The following RPTOR variants were observed in gnomAD, a reference collection of about 807,000 sequenced individuals.
RPTOR encodes the protein regulatory associated protein of MTOR complex 1, also known as regulatory-associated protein of mTOR.
A neutral mutation model predicts 169.9 loss-of-function variants in RPTOR; 21 were observed. The ratio of observed to expected loss-of-function variants is 0.12; its 90% CI spans 0.09 to 0.18. The LOEUF is 0.18. Ranked by LOEUF, RPTOR falls within the 10% of genes least tolerant of loss-of-function variation. RPTOR has a pLI of 1.00. For missense variants in RPTOR, 1,133 were observed against 1,855.9 expected, an observed-to-expected ratio of 0.61 and a Z score of 7.16; for synonymous variants, 732 against 753.2, an observed-to-expected ratio of 0.97 and a Z score of 0.46.
At chr17:80,769,866 C>G (rs1169732512) in intron 6 of RPTOR, among the ~76,000 whole-genome samples, 2 of 152,124 alleles carry the variant, frequency 1.3e-5, no homozygotes, top group South Asian at 2.1e-4. Context: ...CCATGAAGCT[C>G]GAGCTGGAAT....
chr17:80,822,914 A>C (rs536095709), intron 8 of RPTOR, among the ~76,000 whole-genome samples, 165 bp from the exon 9 acceptor site: 2 of 152,120 alleles, frequency 1.3e-5, no homozygotes, highest in East Asian at 3.9e-4. Context: ...TGTATGTTTA[A>C]GTGTGTGTAC....
chr17:80,895,420 C>T (rs1441247600), intron 20 of RPTOR, among the ~76,000 whole-genome samples: 1 of 152,194 alleles, frequency 6.6e-6, no homozygotes, highest in East Asian at 1.9e-4. Context: ...TGCAGACGTG[C>T]TGTACGTGTA....
At chr17:80,792,805 G>A (rs753234341) in intron 7 of RPTOR, among the ~76,000 whole-genome samples, 25 of 152,028 alleles carry the variant, frequency 1.6e-4, no homozygotes, top group Admixed American at 1.0e-3. Flanking sequence ...ATTGCTGTGC[G>A]CTTTCTTTGG....
chr17:80,962,697 C>A, intron 32 of RPTOR, 120 bp downstream of exon 32: 1 of 1,097,460 alleles, frequency 9.1e-7, no homozygotes, highest in East Asian at 2.4e-5. Flanking sequence ...GATTTCACTG[C>A]TGTGGGGACA....
At chr17:80,717,611 C>T (rs1483322647) in intron 4 of RPTOR, among the ~76,000 whole-genome samples, 1 of 152,228 alleles carries the variant, frequency 6.6e-6, no homozygotes, top group African/African-American at 2.4e-5. Flanking sequence ...CCGAGTCTTT[C>T]AGCCTTCAGA....
chr17:80,963,702 GTGCGGCCCTCACCCCGTCCCCTC>G lies in RPTOR; in HGVS notation c.3940-471_3940-449del, dbSNP rs1460225662. On this transcript the variant is annotated intron_variant, in intron 33 of 33. Coordinates refer to ENST00000306801, the MANE Select transcript of RPTOR (RefSeq NM_020761.3). ...CTGTGCGGCCCTCACCCCGTCCCCT[GTGCGGCCCTCACCCCGTCCCCTC>G]TGCGGCCCTCACCCCGTCCCCTCTG... is the stretch of plus-strand genomic sequence containing the variant. Among the ~76,000 whole-genome samples the G allele has an allele frequency of 9.5e-3, 97 of 10,186 alleles. 3 individuals are homozygous for G. Among genetic ancestry groups the G allele is most frequent in the East Asian group, 0.024 (7 of 286 alleles). The allele number at this position is 10,186 out of a possible 152,430, so 6.7% of individuals were successfully genotyped here. A position where few individuals can be genotyped will look rare whatever the true frequency, so the allele number is the denominator to read the frequency against.
intron 9 of RPTOR, among the ~76,000 whole-genome samples, chr17:80,836,167 G>A (rs373348960): frequency 5.9e-5 from 9 of 152,202 alleles, no homozygotes; most frequent in Admixed American, 2.6e-4. Flanking sequence ...GCGAGGCAGC[G>A]AGGCAGGCAG....
At chr17:80,901,180 T>C (rs2068471749) in intron 20 of RPTOR, among the ~76,000 whole-genome samples, 1 of 152,026 alleles carries the variant, frequency 6.6e-6, no homozygotes, top group Non-Finnish European at 1.5e-5. Flanking sequence ...TCCTCGGTAC[T>C]GGTCTCGGTG....
intron 21 of RPTOR, 50 bp downstream of exon 21, chr17:80,908,979 C>A: frequency 7.6e-7 from 1 of 1,316,076 alleles, no homozygotes; most frequent in Non-Finnish European, 1.1e-6. Flanking sequence ...TTCTCGGTTA[C>A]GAGTATGCAT....
At chr17:80,902,910 G>A (rs868293845) in intron 20 of RPTOR, among the ~76,000 whole-genome samples, 1 of 152,230 alleles carries the variant, frequency 6.6e-6, no homozygotes, top group Non-Finnish European at 1.5e-5. Flanking sequence ...GAGGCGAGGC[G>A]GGAGTTAATT....
At chr17:80,892,676 G>A (rs550796693) in intron 18 of RPTOR, 53 bp from the exon 19 acceptor site, 26 of 1,588,450 alleles carry the variant, frequency 1.6e-5, no homozygotes, top group Middle Eastern at 2.1e-4. Flanking sequence ...CAGAAGACAC[G>A]CTGGCCTCCA....
In RPTOR at chr17:80,936,029, TAAA is replaced by T. The variant is rs1349762057; in HGVS notation, c.2920-4463_2920-4461del. Among the ~76,000 whole-genome samples the T allele has an allele frequency of 6.6e-6, 1 of 152,106 alleles. No homozygotes were observed. The highest frequency in any genetic ancestry group is 1.5e-5 in the Non-Finnish European group (1 of 68,008). ...TGATAAAGGAAATAAGCAGCCCAAT[TAAA>T]AAACAGTGGCGAAAGATTTTACAGA... is the stretch of plus-strand genomic sequence containing the variant. On this transcript the variant is annotated intron_variant, in intron 24 of 33. Transcript: ENST00000306801. The surrounding 1 kb of genome is among the most constrained non-coding windows in gnomAD (Gnocchi z 4.1).
chr17:80,831,598 C>T (rs1466323307), intron 9 of RPTOR, among the ~76,000 whole-genome samples: 2 of 152,224 alleles, frequency 1.3e-5, no homozygotes, highest in Non-Finnish European at 2.9e-5. Context: ...CGGAATCCCG[C>T]CGAGGCTCTG....
chr17:80,717,054 T>A (rs1269142929), intron 4 of RPTOR, among the ~76,000 whole-genome samples: 1 of 152,238 alleles, frequency 6.6e-6, no homozygotes, highest in African/African-American at 2.4e-5. Context: ...CTATGCAGGC[T>A]GTTTTTTGGT....
intron 5 of RPTOR, among the ~76,000 whole-genome samples, chr17:80,732,375 C>T (rs2066400084): frequency 6.6e-6 from 1 of 152,150 alleles, no homozygotes; most frequent in Admixed American, 6.5e-5. Flanking sequence ...CAAATGCTTG[C>T]ATTCCAGCGC....
At position 80,707,726 on chromosome 17, in the gene RPTOR, A is replaced by C; in HGVS notation, c.349-115A>C. 1.1e-6 allele frequency: 1 copy of C among 922,472 alleles called. No homozygotes were observed. 57.1% of individuals were successfully genotyped at this position (922,472 alleles called of 1,614,324 possible). On this transcript the variant is annotated intron_variant, in intron 3 of 33. Transcript: ENST00000306801. This position sits in a 1 kb window ranked among gnomAD's most constrained non-coding sequence, Gnocchi z 5.0. The stretch of plus-strand genomic sequence containing the variant: ...TTTATAGATGGAGAAACTCAGAGCC[A>C]TGTGTCCAGGACCACACAGCTATTA...
At chr17:80,846,384 C>A in intron 10 of RPTOR, 89 bp from the exon 11 acceptor site, 2 of 1,339,848 alleles carry the variant, frequency 1.5e-6, no homozygotes, top group East Asian at 4.6e-5. Flanking sequence ...TTCGTGAAGG[C>A]TTGGATGCCC....
chr17:80,785,224 T>G (rs951529037), intron 6 of RPTOR, among the ~76,000 whole-genome samples: 2 of 152,122 alleles, frequency 1.3e-5, no homozygotes, highest in Non-Finnish European at 2.9e-5. Context: ...TCCCGCTCAT[T>G]ACAAAGAAAA....
intron 2 of RPTOR, among the ~76,000 whole-genome samples, chr17:80,638,782 C>T (rs1022494128): frequency 7.2e-5 from 11 of 152,176 alleles, no homozygotes; most frequent in African/African-American, 2.7e-4. Flanking sequence ...ATGTTCATCC[C>T]CTCATATCTG....
Sources: gnomAD v4.1 joint callset for allele counts (sites outside exome capture counted in the v4.1 genomes callset) on GRCh38, gnomAD v4.1.1 for gene constraint, Gnocchi (gnomAD v3.1) non-coding constraint, MANE v1.5 for transcripts, NCBI Gene and HGNC (gene_info 2026-07-23, HGNC 2026-07-21) for gene names.